The following SLC7A8 variants were observed in gnomAD, a reference collection of about 807,000 sequenced individuals.
The protein encoded by SLC7A8 is solute carrier family 7 member 8.
A neutral mutation model predicts 51.2 loss-of-function variants in SLC7A8; 30 were observed. That is an observed-to-expected ratio of 0.59 (90% CI 0.44 to 0.80). The LOEUF (loss-of-function observed/expected upper bound fraction) is 0.80, where lower values mean the gene tolerates loss of function less well. Ranked by LOEUF, SLC7A8 falls within the 30% of genes least tolerant of loss-of-function variation. The probability of loss-of-function intolerance (pLI) is 0.00; values close to 1 mark genes in which losing one functional copy is unlikely to be tolerated. For missense variants in SLC7A8, 612 were observed against 674.4 expected, an observed-to-expected ratio of 0.91 and a Z score of 1.03; for synonymous variants, 257 against 275.8, an observed-to-expected ratio of 0.93 and a Z score of 0.67.
intron 3 of SLC7A8, chr14:23,155,040 A>G: frequency 1.3e-6 from 1 of 742,160 alleles, no homozygotes; most frequent in South Asian, 2.3e-5. Context: ...CCTTCCTCAT[A>G]AACTGCGCTT....
chr14:23,131,641 C>CCTGTGTGGGCAG, intron 7 of SLC7A8, 84 bp from the exon 8 acceptor site: 1 of 1,036,112 alleles, frequency 9.7e-7, no homozygotes, highest in Non-Finnish European at 1.4e-6. Flanking sequence ...ACCTTCTGCC[C>CCTGTGTGGGCAG]ACACAGGGGC....
chr14:23,166,524 A>G lies in SLC7A8; in HGVS notation c.168T>C (p.Ser56=). The G allele has an allele frequency of 2.5e-6, 4 of 1,614,100 alleles. No homozygotes were observed. Among genetic ancestry groups the G allele is most frequent in the Middle Eastern group, 1.7e-4 (1 of 6,046 alleles). ...CGIIVGNIIG[S]GIFVSPKGVL... is the part of the protein sequence containing the mutation. ...CTCCCTTTGGCGAGACAAAGATTCC[A>G]GAGCCGATGATGTTCCCTGCATGAG... Residue 56 remains serine, a synonymous_variant, in exon 2 of 11, where the codon TCT becomes TCC. Transcript: ENST00000316902.
intron 1 of SLC7A8, 80 bp from the exon 2 acceptor site, chr14:23,166,620 C>A: frequency 7.1e-7 from 1 of 1,405,036 alleles, no homozygotes; most frequent in South Asian, 1.2e-5. Flanking sequence ...AGGGTGGTCT[C>A]ATTTCTGATC....
rs1325681058 is a variant in SLC7A8 at position 23,137,957 on chromosome 14, A to G, written c.980T>C (p.Phe327Ser). Residue 327 changes from phenylalanine (F) to serine (S), a missense_variant, in exon 7 of 11, where the codon TTT (phenylalanine) becomes TCT (serine). Phe to Ser is a radical substitution (Grantham distance 155). Transcript: ENST00000316902. ...IMPISVALST[F>S]GGVNGSLFTS... The stretch of plus-strand genomic sequence containing the variant: ...GAAGAGAGACCCATTAACTCCTCCA[A>G]ATGTGGACAGGGCAACAGAAATGGG... The G allele has an allele frequency of 6.2e-7, 1 of 1,613,834 alleles. No homozygotes were observed. The highest frequency in any genetic ancestry group is 2.2e-5 in the East Asian group (1 of 44,826).
At chr14:23,140,208 T>C (rs767672752) in intron 5 of SLC7A8, among the ~76,000 whole-genome samples, 6 of 152,140 alleles carry the variant, frequency 3.9e-5, no homozygotes, top group Non-Finnish European at 4.4e-5. Context: ...ATTCATTCTC[T>C]AAGGCAGTAG....
At chr14:23,154,953 G>C (rs908844193) in intron 3 of SLC7A8, among the ~76,000 whole-genome samples, 55 of 30,722 alleles carry the variant, frequency 1.8e-3, no homozygotes, top group African/African-American at 7.0e-3. Flanking sequence ...TGGTGAAAGA[G>C]AAAAACGTTA....
rs1566360014 is a variant in SLC7A8 at position 23,139,461 on chromosome 14, GA to G, written c.874del (p.Ser292ProfsTer13). On this transcript the variant is annotated frameshift_variant, in exon 6 of 11. Coordinates refer to ENST00000316902, the MANE Select transcript of SLC7A8 (RefSeq NM_012244.4). LOFTEE classifies it high-confidence loss of function. ...GTTGGATGCCAGCAGCTCCTGGGGG[GA>G]CATTGCAGTGACATAAGCGACATTG... Reference protein sequence around the residue: ...FANVAYVTAMSPQELLASNAV... With the variant: ...FANVAYVTAMXPQELLASNAV... 6.2e-7 allele frequency: 1 copy of G among 1,614,148 alleles called. No individual in the cohort carries two copies. Among genetic ancestry groups the G allele is most frequent in the East Asian group, 2.2e-5 (1 of 44,876 alleles).
At chr14:23,164,605 T>A (rs2140334138) in intron 3 of SLC7A8, among the ~76,000 whole-genome samples, 1 of 129,808 alleles carries the variant, frequency 7.7e-6, no homozygotes, top group Non-Finnish European at 1.5e-5. Context: ...TACTTAAGTT[T>A]CTTTCTTTTT....
intron 5 of SLC7A8, among the ~76,000 whole-genome samples, chr14:23,140,233 A>G (rs995449523): frequency 2.8e-4 from 42 of 152,134 alleles, no homozygotes; most frequent in African/African-American, 9.7e-4. Context: ...ACTGCAGGAC[A>G]GTTTTCAGCT....
intron 1 of SLC7A8, among the ~76,000 whole-genome samples, chr14:23,178,030 C>T (rs1255391130): frequency 6.6e-6 from 1 of 152,180 alleles, no homozygotes; most frequent in Non-Finnish European, 1.5e-5. Flanking sequence ...AATCCTAGCT[C>T]CAATATTTTT....
chr14:23,165,419 A>G lies in SLC7A8; in HGVS notation c.374T>C (p.Ile125Thr), dbSNP rs1234356506. ...GGLAGFLRLW[I>T]AVLVIYPTNQ... Reference sequence around the variant, plus strand: ...GGTGGGGTAGATCACCAGCACAGCAATCCACAGCCTCAGGAACCTGAAGGA... The same window carrying G: ...GGTGGGGTAGATCACCAGCACAGCAGTCCACAGCCTCAGGAACCTGAAGGA... The change falls in exon 3 of 11, where the codon ATT becomes ACT. Residue 125 changes from isoleucine to threonine, a missense_variant. Coordinates refer to ENST00000316902, the MANE Select transcript of SLC7A8 (RefSeq NM_012244.4). This position sits in a 1 kb window ranked among gnomAD's most constrained non-coding sequence, Gnocchi z 4.2. The G allele has an allele frequency of 1.9e-6, 3 of 1,591,094 alleles. No individual in the cohort carries two copies. The highest frequency in any genetic ancestry group is 2.3e-5 in the South Asian group (2 of 87,818).
intron 8 of SLC7A8, 174 bp from the exon 9 acceptor site, chr14:23,129,973 G>A: frequency 1.5e-6 from 1 of 649,854 alleles, no homozygotes; most frequent in Non-Finnish European, 2.6e-6. Context: ...CATCTTTATT[G>A]CTAGGAAATC....
Position 23,128,084 on chromosome 14 carries a change from C to T in SLC7A8, c.1376G>A (p.Gly459Glu), listed in dbSNP as rs1276294286. The T allele has an allele frequency of 3.1e-6, 5 of 1,614,226 alleles. No homozygotes were observed. The South Asian group carries it at 5.5e-5, about 18-fold the overall frequency. ...AACACCCAGGAAATAGACAGGCACT[C>T]CTGTCAGCATGATGGCCAGGCCAAT... ...CGIGLAIMLTGVPVYFLGVYW... is the reference protein window; with the variant it reads ...CGIGLAIMLTEVPVYFLGVYW... Residue 459 changes from glycine (G) to glutamate (E), a missense_variant, in exon 10 of 11, where the codon GGA becomes GAA. By Grantham distance (98) the Gly-to-Glu change is moderately conservative. Coordinates refer to ENST00000316902, the MANE Select transcript of SLC7A8 (RefSeq NM_012244.4). This position sits in a 1 kb window ranked among gnomAD's most constrained non-coding sequence, Gnocchi z 4.3.
At chr14:23,139,400 G>A (rs1465031732) in intron 6 of SLC7A8, 24 bp downstream of exon 6, 1 of 1,613,548 alleles carries the variant, frequency 6.2e-7, no homozygotes, top group Admixed American at 1.7e-5. Context: ...CCTGGTATGA[G>A]ACTCTGGGAC....
intron 3 of SLC7A8, among the ~76,000 whole-genome samples, chr14:23,145,486 C>G (rs2140317607): frequency 6.9e-6 from 1 of 145,314 alleles, no homozygotes; most frequent in Non-Finnish European, 1.5e-5. Flanking sequence ...GAGATTGTGC[C>G]AGTGTTCTCC....
chr14:23,128,250 G>T lies in SLC7A8; in HGVS notation c.1264-54C>A. Reference sequence around the variant, plus strand: ...ACTGTGTAGGCCACGTGGCCCCCAGGACTAGGGACTGGGGCATTCTCTCTC... The same window carrying T: ...ACTGTGTAGGCCACGTGGCCCCCAGTACTAGGGACTGGGGCATTCTCTCTC... On this transcript the variant is annotated intron_variant, in intron 9 of 10. Coordinates refer to ENST00000316902, the MANE Select transcript of SLC7A8 (RefSeq NM_012244.4). This position sits in a 1 kb window ranked among gnomAD's most constrained non-coding sequence, Gnocchi z 4.3. 1 of 1,604,922 alleles carries T rather than the reference G, an allele frequency of 6.2e-7. No individual in the cohort carries two copies.
intron 1 of SLC7A8, among the ~76,000 whole-genome samples, chr14:23,171,762 T>C (rs2048976245): frequency 6.6e-6 from 1 of 152,182 alleles, no homozygotes; most frequent in Admixed American, 6.5e-5. Flanking sequence ...AGGTCTGGCA[T>C]GTGGGGCCCA....
At chr14:23,173,538 G>T (rs1013361526) in intron 1 of SLC7A8, among the ~76,000 whole-genome samples, 5 of 152,274 alleles carry the variant, frequency 3.3e-5, no homozygotes, top group Admixed American at 3.3e-4. Flanking sequence ...AATCATCAAT[G>T]GTTCCCCCCA....
rs973586636 is a variant in SLC7A8 at position 23,129,493 on chromosome 14, G to A, written c.1263+157C>T. The A allele has an allele frequency of 1.6e-5, 12 of 735,556 alleles. No homozygotes were observed. The African/African-American group carries it at 2.0e-4, about 12-fold the overall frequency. The allele number at this position is 735,556 out of a possible 1,614,324, so 45.6% of individuals were successfully genotyped here. On this transcript the variant is annotated intron_variant, in intron 9 of 10. Coordinates refer to ENST00000316902, the MANE Select transcript of SLC7A8 (RefSeq NM_012244.4). The stretch of plus-strand genomic sequence containing the variant: ...TCCCCAGTGGAGAATGGAAATAGTG[G>A]TCCCATTCACAAATGGCCCTTGCTT...
Sources: allele counts gnomAD v4.1 joint callset (sites outside exome capture counted in the v4.1 genomes callset), GRCh38; gene constraint gnomAD v4.1.1; non-coding constraint Gnocchi (gnomAD v3.1); transcripts MANE v1.5; gene names NCBI Gene and HGNC (gene_info 2026-07-23, HGNC 2026-07-21).